The following ESRRG variants were observed in gnomAD, a reference collection of about 807,000 sequenced individuals.
ESRRG encodes the protein estrogen related receptor gamma.
In ESRRG, 13 loss-of-function variants were observed where a neutral mutation model predicts 44.0. That is an observed-to-expected ratio of 0.30 (90% CI 0.19 to 0.47). ESRRG has a LOEUF of 0.47. ESRRG is among the 20% of genes least tolerant of loss of function. ESRRG has a pLI of 1.00. For synonymous variants in ESRRG, 215 were observed against 214.6 expected, an observed-to-expected ratio of 1.00 and a Z score of -0.02; for missense variants, 395 against 580.6, an observed-to-expected ratio of 0.68 and a Z score of 3.29.
At chr1:217,073,470 C>T (rs888102460) in intron 1 of ESRRG, among the ~76,000 whole-genome samples, 1 of 152,126 alleles carries the variant, frequency 6.6e-6, no homozygotes, top group Non-Finnish European at 1.5e-5. Context: ...AATGAATCAA[C>T]AAATAGTTAC....
At chr1:216,552,209 A>C (rs542639276) in intron 5 of ESRRG, among the ~76,000 whole-genome samples, 21 of 152,238 alleles carry the variant, frequency 1.4e-4, no homozygotes, top group African/African-American at 4.8e-4. Flanking sequence ...ATGTATATCT[A>C]TATATATAAA....
At chr1:216,908,034 A>C (rs1000382820) in intron 2 of ESRRG, among the ~76,000 whole-genome samples, 7 of 152,380 alleles carry the variant, frequency 4.6e-5, no homozygotes, top group African/African-American at 1.7e-4. Flanking sequence ...TAAAAGGCTC[A>C]CCATTAAAAT....
rs940037527 is a variant in ESRRG, at chr1:216,995,994, G to A, written c.-105-56321C>T. On this transcript the variant is annotated intron_variant, in intron 1 of 7. Coordinates refer to the ESRRG transcript ENST00000359162. ...AGGATTCAAAATGTGGGTTACAAAGGAAAATCAAGTAATAACCTTTGTAGA... is the reference window on the plus strand; with the variant it reads ...AGGATTCAAAATGTGGGTTACAAAGAAAAATCAAGTAATAACCTTTGTAGA... 3.9e-5 allele frequency among the ~76,000 whole-genome samples: 6 copies of A among 151,946 alleles called. No individual in the cohort carries two copies. The South Asian group carries it at 1.0e-3, about 26-fold the overall frequency.
chr1:216,575,253 T>C (rs1463657543), intron 3 of ESRRG, among the ~76,000 whole-genome samples: 1 of 152,068 alleles, frequency 6.6e-6, no homozygotes, highest in Non-Finnish European at 1.5e-5. Context: ...TTCTTGAGGA[T>C]CATATAAGAT....
At chr1:217,087,444 T>G (rs935258319) in intron 1 of ESRRG, among the ~76,000 whole-genome samples, 7 of 152,214 alleles carry the variant, frequency 4.6e-5, no homozygotes, top group African/African-American at 1.4e-4. Context: ...TGGTAACCTT[T>G]TAATTTCTGG....
rs1048172257 is a variant in ESRRG at position 217,014,989 on chromosome 1, C to T, written c.-106+74518G>A. Among the ~76,000 whole-genome samples the T allele has an allele frequency of 2.6e-5, 4 of 152,104 alleles. No homozygotes were observed. In the East Asian group the frequency reaches 7.7e-4, roughly 29 times the overall value. ...AATTCTGAATACATTCCAAGCATCACTTAGAAAAATGACCAAAAAAAGCAG... is the reference window on the plus strand; with the variant it reads ...AATTCTGAATACATTCCAAGCATCATTTAGAAAAATGACCAAAAAAAGCAG... On this transcript the variant is annotated intron_variant, in intron 1 of 7. Coordinates refer to the ESRRG transcript ENST00000359162.
intron 2 of ESRRG, among the ~76,000 whole-genome samples, chr1:216,857,554 A>G (rs1018702281): frequency 1.3e-5 from 2 of 152,102 alleles, no homozygotes; most frequent in East Asian, 3.9e-4. Flanking sequence ...ATAAACATTA[A>G]AAGTATTCTT....
intron 1 of ESRRG, among the ~76,000 whole-genome samples, chr1:217,057,625 T>G (rs2087407986): frequency 6.6e-6 from 1 of 150,878 alleles, no homozygotes; most frequent in African/African-American, 2.4e-5. Context: ...TAGAAAAAAA[T>G]AAACAGAACA....
At chr1:216,852,207 C>T (rs1214388428) in intron 2 of ESRRG, among the ~76,000 whole-genome samples, 1 of 152,158 alleles carries the variant, frequency 6.6e-6, no homozygotes, top group Non-Finnish European at 1.5e-5. Flanking sequence ...ATCATCACCA[C>T]CTTTAAAGAG....
chr1:216,891,449 C>T (rs1042672898), intron 2 of ESRRG, among the ~76,000 whole-genome samples: 8 of 152,194 alleles, frequency 5.3e-5, no homozygotes, highest in East Asian at 1.9e-4. Flanking sequence ...TATGCACACA[C>T]GTGCACATGC....
At chr1:216,586,610 TCTCA>T (rs2063852920) in intron 3 of ESRRG, among the ~76,000 whole-genome samples, 1 of 140,388 alleles carries the variant, frequency 7.1e-6, no homozygotes, top group South Asian at 2.2e-4. Flanking sequence ...TGAGATGGAG[TCTCA>T]CTCTGTCACC....
intron 2 of ESRRG, among the ~76,000 whole-genome samples, chr1:216,825,059 C>T (rs1238549234): frequency 6.6e-6 from 1 of 152,098 alleles, no homozygotes; most frequent in Non-Finnish European, 1.5e-5. Flanking sequence ...TTGTTTTTTA[C>T]CAGAGCTTCC....
intron 5 of ESRRG, among the ~76,000 whole-genome samples, chr1:216,539,196 TTA>T (rs10593104): frequency 0.39 from 58,946 of 150,234 alleles, 11,660 homozygotes; most frequent in Admixed American, 0.46. Context: ...CCTGGAGATT[TTA>T]TATATATATA....
intron 2 of ESRRG, among the ~76,000 whole-genome samples, chr1:216,760,622 G>C: frequency 6.6e-6 from 1 of 151,908 alleles, no homozygotes; most frequent in South Asian, 2.1e-4. Context: ...CATAAATTAA[G>C]TAATTTAAAT....
At chr1:216,648,450 A>G (rs1438632214) in intron 3 of ESRRG, among the ~76,000 whole-genome samples, 1 of 152,150 alleles carries the variant, frequency 6.6e-6, no homozygotes, top group Non-Finnish European at 1.5e-5. Context: ...TACTTGCTTG[A>G]TAACAGCAAC....
rs1576711659 is a variant in ESRRG at position 216,802,927 on chromosome 1, C to T, written c.-13-125436G>A. On this transcript the variant is annotated intron_variant, in intron 2 of 7. Coordinates refer to the ESRRG transcript ENST00000359162. ...TTTACATATCTTGAAGACATTCCCT[C>T]AATTTCTCATGCCATGCTGTTTTAG... Among the ~76,000 whole-genome samples, 8 of 152,262 alleles carry T rather than the reference C, an allele frequency of 5.3e-5. No individual in the cohort carries two copies. The South Asian group carries it at 1.7e-3, about 32-fold the overall frequency.
chr1:216,543,708 C>T (rs1198103088), intron 5 of ESRRG, among the ~76,000 whole-genome samples: 1 of 151,946 alleles, frequency 6.6e-6, no homozygotes, highest in African/African-American at 2.4e-5. Flanking sequence ...TAGTATCCAC[C>T]ATCAGATGAA....
intron 2 of ESRRG, among the ~76,000 whole-genome samples, chr1:216,786,518 T>C (rs1426624250): frequency 6.6e-6 from 1 of 151,974 alleles, no homozygotes; most frequent in East Asian, 1.9e-4. Context: ...ACAAATACAT[T>C]GAGAAAGTAA....
chr1:216,554,066 T>C (rs1221013849), intron 5 of ESRRG, among the ~76,000 whole-genome samples: 1 of 152,136 alleles, frequency 6.6e-6, no homozygotes. Flanking sequence ...AGGTTATTTA[T>C]GATGGCTGAA....
Sources: gnomAD v4.1 joint callset for allele counts (sites outside exome capture counted in the v4.1 genomes callset) on GRCh38, gnomAD v4.1.1 for gene constraint, MANE v1.5 for transcripts, NCBI Gene and HGNC (gene_info 2026-07-23, HGNC 2026-07-21) for gene names.